The following ZKSCAN1 variants were observed in gnomAD, a reference collection of about 807,000 sequenced individuals.
The protein encoded by ZKSCAN1 is zinc finger with KRAB and SCAN domains 1.
Under a neutral mutation model 51.6 loss-of-function variants are expected in ZKSCAN1, and 14 were observed. The observed-to-expected ratio is 0.27, with a 90% CI of 0.18 to 0.42. The LOEUF (loss-of-function observed/expected upper bound fraction) is 0.42, where lower values mean the gene tolerates loss of function less well. Ranked by LOEUF, ZKSCAN1 falls within the 10% of genes least tolerant of loss-of-function variation. ZKSCAN1 has a pLI of 1.00. For missense variants in ZKSCAN1, 531 were observed against 710.0 expected (o/e 0.75, Z 2.86); for synonymous variants, 263 against 261.5 (o/e 1.01, Z -0.06).
downstream of ZKSCAN1, among the ~76,000 whole-genome samples, chr7:100,043,004 G>A (rs1791638922): frequency 6.6e-6 from 1 of 151,994 alleles, no homozygotes; most frequent in Non-Finnish European, 1.5e-5. Context: ...GTTTCATAGT[G>A]TTAGCCAGGA....
chr7:100,019,324 A>C (rs1790502682), intron 1 of ZKSCAN1: 1 of 152,306 alleles, frequency 6.6e-6, no homozygotes, highest in South Asian at 2.1e-4. Context: ...CTCCTGCCTC[A>C]GCCTCCCGAG....
rs1343597813 is a variant in ZKSCAN1, at chr7:100,033,975, A to G, written c.1470A>G (p.Glu490=). ...TTCACACGGGGGAGAAACCCTATGA[A>G]TGTAGTGAATGTGGAAAAGCTTTCA... The part of the protein sequence containing the change: ...QRIHTGEKPY[E]CSECGKAFNR... The change falls in exon 6 of 6, where the codon GAA becomes GAG. Residue 490 remains glutamate, a synonymous_variant. Transcript: ENST00000324306. The surrounding 1 kb of genome is among the most constrained non-coding windows in gnomAD (Gnocchi z 4.1). 6.2e-7 allele frequency: 1 copy of G among 1,614,182 alleles called. No homozygotes were observed. The highest frequency in any genetic ancestry group is 1.3e-5 in the African/African-American group (1 of 75,054).
In ZKSCAN1 at chr7:100,023,821, T is replaced by G. The variant is rs1382535339; in HGVS notation, c.315T>G (p.Leu105=). ...AGCTTCTGGTGCTAGAGCAGTTTCTTTCCATCCTGCCCAAGGAGCTCCAGG... is the reference window on the plus strand; with the variant it reads ...AGCTTCTGGTGCTAGAGCAGTTTCTGTCCATCCTGCCCAAGGAGCTCCAGG... The part of the protein sequence containing the change: ...ILELLVLEQF[L]SILPKELQVW... The change falls in exon 2 of 6, where the codon CTT becomes CTG. Residue 105 remains leucine (L), a synonymous_variant. Coordinates refer to ENST00000324306, the MANE Select transcript of ZKSCAN1 (RefSeq NM_003439.4). 1 of 1,614,174 alleles carries G rather than the reference T, an allele frequency of 6.2e-7. No homozygotes were observed. Among genetic ancestry groups the G allele is most frequent in the Non-Finnish European group, 8.5e-7 (1 of 1,180,026 alleles).
chr7:100,036,944 C>T lies in ZKSCAN1; in HGVS notation c.*2747C>T, dbSNP rs765334460. The T allele has an allele frequency of 3.5e-5, 34 of 985,012 alleles. No homozygotes were observed. The East Asian group carries it at 1.0e-3, about 30-fold the overall frequency. The allele number at this position is 985,012 out of a possible 1,614,324, so 61.0% of individuals were successfully genotyped here. A position where few individuals can be genotyped will look rare whatever the true frequency, so the allele number is the denominator to read the frequency against. ...TGACCTGTGCCCTCACATTTAATTCCGTTTCATGGAGACATCTTCCTGACT... is the reference window on the plus strand; with the variant it reads ...TGACCTGTGCCCTCACATTTAATTCTGTTTCATGGAGACATCTTCCTGACT... On this transcript the variant is annotated 3_prime_UTR_variant, in exon 6 of 6. Coordinates refer to ENST00000324306, the MANE Select transcript of ZKSCAN1 (RefSeq NM_003439.4).
rs542030475 is a variant in ZKSCAN1 at position 100,033,229 on chromosome 7, C to T, written c.800-76C>T. The T allele has an allele frequency of 2.2e-5, 33 of 1,482,946 alleles. No homozygotes were observed. In the South Asian group the frequency reaches 3.5e-4, roughly 16 times the overall value. The allele number at this position is 1,482,946 out of a possible 1,614,324, so 91.9% of individuals were successfully genotyped here. A position where few individuals can be genotyped will look rare whatever the true frequency, so the allele number is the denominator to read the frequency against. ...ATTTTGCAGCCGTGTAGAAGCTTCTCGGGAAACTGTCGCTTGACCCACCTG... is the reference window on the plus strand; with the variant it reads ...ATTTTGCAGCCGTGTAGAAGCTTCTTGGGAAACTGTCGCTTGACCCACCTG... On this transcript the variant is annotated intron_variant, in intron 5 of 5. Coordinates refer to ENST00000324306, the MANE Select transcript of ZKSCAN1 (RefSeq NM_003439.4). The surrounding 1 kb of genome is among the most constrained non-coding windows in gnomAD (Gnocchi z 4.1).
In ZKSCAN1 at chr7:100,034,631, T is replaced by G. The variant is rs1328904772; in HGVS notation, c.*434T>G. The stretch of plus-strand genomic sequence containing the variant: ...TACTTTGGCCAACATCCTGCTTATT[T>G]CTCAAAAAAGAGGGACAGTGAAAAC... On this transcript the variant is annotated 3_prime_UTR_variant, in exon 6 of 6. Transcript: ENST00000324306. 1 of 922,876 alleles carries G rather than the reference T, an allele frequency of 1.1e-6. No individual in the cohort carries two copies. Among genetic ancestry groups the G allele is most frequent in the Non-Finnish European group, 1.3e-6 (1 of 770,916 alleles). The allele number at this position is 922,876 out of a possible 1,614,324, so 57.2% of individuals were successfully genotyped here.
intron 1 of ZKSCAN1, among the ~76,000 whole-genome samples, chr7:100,019,705 CTTTTG>C (rs1185828610): frequency 1.3e-5 from 2 of 151,714 alleles, no homozygotes; most frequent in Non-Finnish European, 2.9e-5. Context: ...CTCAGTTCTT[CTTTTG>C]TTTTTTTTTG....
chr7:100,040,221 G>T lies in ZKSCAN1; in HGVS notation c.*6024G>T, dbSNP rs7803317. 0.28 allele frequency: 274,037 copies of T among 984,928 alleles called. 39,659 individuals carry two copies. The highest frequency in any genetic ancestry group is 0.49 in the Middle Eastern group (945 of 1,914). 61.0% of individuals were successfully genotyped at this position (984,928 alleles called of 1,614,324 possible). On this transcript the variant is annotated 3_prime_UTR_variant, in exon 6 of 6. Coordinates refer to ENST00000324306, the MANE Select transcript of ZKSCAN1 (RefSeq NM_003439.4). ...ACATGAGAATTGAATTTCATGATGT[G>T]TGGTTCCATTTAATAGCGGACACCA... is the stretch of plus-strand genomic sequence containing the variant.
rs895928136 is a variant in ZKSCAN1 at position 100,037,964 on chromosome 7, G to C, written c.*3767G>C. 12 of 951,576 alleles carry C rather than the reference G, an allele frequency of 1.3e-5. No homozygotes were observed. The African/African-American group carries it at 1.8e-4, about 14-fold the overall frequency. 58.9% of individuals were successfully genotyped at this position (951,576 alleles called of 1,614,324 possible). ...GAACCTGCGAGGCGGAGGTTGCAGT[G>C]AGCTAAGATCATGCCACTGGCACTC... On this transcript the variant is annotated 3_prime_UTR_variant, in exon 6 of 6. Transcript: ENST00000324306.
chr7:100,026,292 T>C (rs1790835039), intron 3 of ZKSCAN1, among the ~76,000 whole-genome samples: 1 of 151,246 alleles, frequency 6.6e-6, no homozygotes, highest in Non-Finnish European at 1.5e-5. Flanking sequence ...TGACTGGAGC[T>C]TGCAGGACCG....
chr7:100,042,318 CAAAAA>C (rs34258466), downstream of ZKSCAN1, among the ~76,000 whole-genome samples: 28 of 43,664 alleles, frequency 6.4e-4, no homozygotes, highest in Middle Eastern at 0.019. Flanking sequence ...GACTTTGTCT[CAAAAA>C]AAAAAAAAAA....
At chr7:100,017,248 A>T (rs182693512) in intron 1 of ZKSCAN1, among the ~76,000 whole-genome samples, 1 of 151,782 alleles carries the variant, frequency 6.6e-6, no homozygotes, top group Non-Finnish European at 1.5e-5. Context: ...TTTGAGACAG[A>T]GTCTTGCTCT....
chr7:100,023,779 C>G lies in ZKSCAN1; in HGVS notation c.273C>G (p.Thr91=). 6.2e-7 allele frequency: 1 copy of G among 1,614,164 alleles called. No individual in the cohort carries two copies. Among genetic ancestry groups the G allele is most frequent in the Non-Finnish European group, 8.5e-7 (1 of 1,180,026 alleles). Residue 91 remains threonine, a synonymous_variant, in exon 2 of 6, where the codon ACC becomes ACG. Transcript: ENST00000324306. ...AGTGGCTGCGGCCAGAAATAAACACCAAGGAACAGATCCTGGAGCTTCTGG... is the reference window on the plus strand; with the variant it reads ...AGTGGCTGCGGCCAGAAATAAACACGAAGGAACAGATCCTGGAGCTTCTGG... ...CHQWLRPEIN[T]KEQILELLVL... is the part of the protein sequence containing the mutation.
intron 1 of ZKSCAN1, among the ~76,000 whole-genome samples, chr7:100,022,211 C>T (rs1483004626): frequency 1.3e-5 from 2 of 152,160 alleles, no homozygotes; most frequent in African/African-American, 4.8e-5. Context: ...CCCGCCACCG[C>T]GCCCAGCTAA....
At chr7:100,025,015 G>A (rs1790764218) in intron 3 of ZKSCAN1, 1 of 150,856 alleles carries the variant, frequency 6.6e-6, no homozygotes, top group Non-Finnish European at 1.5e-5. Flanking sequence ...ACCAAATATT[G>A]GGGAAAATAC....
At chr7:100,023,339 TGC>T in intron 1 of ZKSCAN1, 78 bp from the exon 2 acceptor site, 3 of 737,378 alleles carry the variant, frequency 4.1e-6, no homozygotes, top group Non-Finnish European at 4.2e-6. Context: ...TGCCTCGATG[TGC>T]TGCCTCCTAT....
At chr7:100,043,335 G>A (rs990874535), downstream of ZKSCAN1, among the ~76,000 whole-genome samples, 5 of 151,848 alleles carry the variant, frequency 3.3e-5, no homozygotes, top group Admixed American at 3.3e-4. Context: ...CCAAAGTGCT[G>A]GGATTACAGG....
At chr7:100,021,822 G>A (rs1301869198) in intron 1 of ZKSCAN1, among the ~76,000 whole-genome samples, 3 of 149,860 alleles carry the variant, frequency 2.0e-5, no homozygotes, top group South Asian at 4.2e-4. Flanking sequence ...GTAGCTGACT[G>A]CAGCCTCAAA....
Position 100,036,905 on chromosome 7 carries a change from A to G in ZKSCAN1, c.*2708A>G, listed in dbSNP as rs1047652079. 1.0e-6 allele frequency: 1 copy of G among 985,216 alleles called. No homozygotes were observed. The highest frequency in any genetic ancestry group is 1.2e-6 in the Non-Finnish European group (1 of 829,878). 61.0% of individuals were successfully genotyped at this position (985,216 alleles called of 1,614,324 possible). On this transcript the variant is annotated 3_prime_UTR_variant, in exon 6 of 6. Coordinates refer to ENST00000324306, the MANE Select transcript of ZKSCAN1 (RefSeq NM_003439.4). Reference sequence around the variant, plus strand: ...CATCACTTTTGAGTTTTGTTTTTAAATGAAGGTTAAATGTGACCTGTGCCC... The same window carrying G: ...CATCACTTTTGAGTTTTGTTTTTAAGTGAAGGTTAAATGTGACCTGTGCCC...
Sources: allele counts gnomAD v4.1 joint callset (sites outside exome capture counted in the v4.1 genomes callset), GRCh38; gene constraint gnomAD v4.1.1; non-coding constraint Gnocchi (gnomAD v3.1); transcripts MANE v1.5; gene names NCBI Gene and HGNC (gene_info 2026-07-23, HGNC 2026-07-21).